GAS7: variants seen among roughly 807,000 people sequenced by gnomAD.
GAS7 encodes growth arrest specific 7, also known as growth arrest-specific protein 7.
GAS7 carries 28 observed loss-of-function variants against 71.1 expected under a neutral mutation model. That is an observed-to-expected ratio of 0.39 (90% CI 0.29 to 0.54). The LOEUF (loss-of-function observed/expected upper bound fraction) is 0.54, where lower values mean the gene tolerates loss of function less well. GAS7 is among the 20% of genes least tolerant of loss of function. The pLI is 0.62. For missense variants in GAS7, 436 were observed against 627.8 expected (o/e 0.69, Z 3.27); for synonymous variants, 258 against 245.8 (o/e 1.05, Z -0.46).
chr17:10,046,966 C>T (rs1407902730), intron 1 of GAS7, among the ~76,000 whole-genome samples: 1 of 151,980 alleles, frequency 6.6e-6, no homozygotes, highest in Non-Finnish European at 1.5e-5. Context: ...ACTCTCTGCC[C>T]ATAATCTGAG....
At chr17:10,005,796 C>T (rs1217718326) in intron 2 of GAS7, among the ~76,000 whole-genome samples, 1 of 152,154 alleles carries the variant, frequency 6.6e-6, no homozygotes, top group African/African-American at 2.4e-5. Context: ...GAGGTCCTGA[C>T]CTTGCCTGCC....
At chr17:9,952,141 A>G (rs1038814063) in intron 5 of GAS7, among the ~76,000 whole-genome samples, 3 of 152,202 alleles carry the variant, frequency 2.0e-5, no homozygotes, top group African/African-American at 7.2e-5. Flanking sequence ...CCTAGAGGAC[A>G]TGGGTTGCTG....
chr17:10,165,291 C>CAAAAA (rs71365731), intron 1 of GAS7, among the ~76,000 whole-genome samples: 3 of 77,630 alleles, frequency 3.9e-5, no homozygotes, highest in African/African-American at 8.8e-5. Context: ...GATTCCTTCT[C>CAAAAA]AAAAAAAAAA....
intron 1 of GAS7, among the ~76,000 whole-genome samples, chr17:10,078,720 G>T (rs548167880): frequency 2.0e-5 from 3 of 152,240 alleles, no homozygotes; most frequent in South Asian, 4.1e-4. Context: ...TGTAAAATTG[G>T]TAGGTAGGGG....
intron 2 of GAS7, among the ~76,000 whole-genome samples, chr17:9,985,151 G>A (rs1470272832): frequency 6.6e-6 from 1 of 152,084 alleles, no homozygotes; most frequent in Non-Finnish European, 1.5e-5. Context: ...CGTTCCTCTT[G>A]TCTTCTCCAT....
At chr17:9,956,947 C>A (rs932969200) in intron 5 of GAS7, among the ~76,000 whole-genome samples, 2 of 152,086 alleles carry the variant, frequency 1.3e-5, no homozygotes, top group African/African-American at 4.8e-5. Flanking sequence ...CATGGGAGAG[C>A]GGTGTTGTGT....
In GAS7 at chr17:10,145,785, T is replaced by C. The variant is rs1002544027; in HGVS notation, c.183+52423A>G. 5.3e-5 allele frequency among the ~76,000 whole-genome samples: 8 copies of C among 152,120 alleles called. No homozygotes were observed. In the East Asian group the frequency reaches 1.5e-3, roughly 29 times the overall value. On this transcript the variant is annotated intron_variant, in intron 1 of 13. Transcript: ENST00000432992. ...GGAAGGGGGAAACAGCAATATATTC[T>C]AAGACCCCCCCAGAAATGAGAGACA... is the stretch of plus-strand genomic sequence containing the variant.
chr17:9,986,396 T>C (rs1349300084), intron 2 of GAS7, among the ~76,000 whole-genome samples: 1 of 152,182 alleles, frequency 6.6e-6, no homozygotes, highest in Non-Finnish European at 1.5e-5. Flanking sequence ...CTTGCACCCA[T>C]TCATCCATCA....
intron 1 of GAS7, among the ~76,000 whole-genome samples, chr17:10,132,531 C>T (rs917818486): frequency 7.9e-5 from 12 of 152,114 alleles, no homozygotes; most frequent in Non-Finnish European, 1.2e-4. Context: ...TTTGGGAGGC[C>T]GAGGTGGGTG....
At chr17:10,140,497 TTGTG>T (rs1412905893) in intron 1 of GAS7, among the ~76,000 whole-genome samples, 1 of 152,044 alleles carries the variant, frequency 6.6e-6, no homozygotes, top group Non-Finnish European at 1.5e-5. Context: ...ATATCTGCAT[TTGTG>T]TGTGTGTACC....
intron 5 of GAS7, among the ~76,000 whole-genome samples, chr17:9,951,963 C>G (rs1427229278): frequency 6.6e-6 from 1 of 151,944 alleles, no homozygotes; most frequent in South Asian, 2.1e-4. Flanking sequence ...GACTGCTAGC[C>G]GGAAGAGGAG....
chr17:9,955,599 T>A (rs1025603949), intron 5 of GAS7, among the ~76,000 whole-genome samples: 1 of 152,212 alleles, frequency 6.6e-6, no homozygotes, highest in African/African-American at 2.4e-5. Flanking sequence ...ACCCAGGCTC[T>A]GAACCCACGC....
At chr17:10,112,250 C>T (rs16959330) in intron 1 of GAS7, among the ~76,000 whole-genome samples, 3,174 of 152,206 alleles carry the variant, frequency 0.021, 123 homozygotes, top group African/African-American at 0.073. Flanking sequence ...AGACACACAG[C>T]GAGGGATGCT....
chr17:10,053,004 T>C (rs8075721), intron 1 of GAS7, among the ~76,000 whole-genome samples: 43,414 of 152,118 alleles, frequency 0.29, 8,345 homozygotes, highest in African/African-American at 0.56. Context: ...ACACATTGGC[T>C]ACATGGAGTT....
chr17:10,077,995 T>C (rs1314584132), intron 1 of GAS7, among the ~76,000 whole-genome samples: 1 of 151,994 alleles, frequency 6.6e-6, no homozygotes, highest in African/African-American at 2.4e-5. Flanking sequence ...ACAGACCTGA[T>C]AGATTATTTT....
intron 1 of GAS7, among the ~76,000 whole-genome samples, chr17:10,135,121 G>A (rs181535417): frequency 3.9e-5 from 6 of 152,244 alleles, no homozygotes; most frequent in South Asian, 2.1e-4. Context: ...GTGAGCCAAC[G>A]CAGCCCGGCC....
chr17:10,051,608 C>T (rs777468201), intron 1 of GAS7, among the ~76,000 whole-genome samples: 2 of 152,148 alleles, frequency 1.3e-5, no homozygotes, highest in African/African-American at 4.8e-5. Flanking sequence ...CGCAAGTCCA[C>T]GAGGGCTACA....
At chr17:10,073,889 A>G (rs1008317775) in intron 1 of GAS7, among the ~76,000 whole-genome samples, 1 of 152,184 alleles carries the variant, frequency 6.6e-6, no homozygotes, top group Non-Finnish European at 1.5e-5. Context: ...GTTTTCCCAT[A>G]GCCATTGAGC....
At chr17:10,007,262 C>T (rs538719467) in intron 2 of GAS7, among the ~76,000 whole-genome samples, 4 of 152,130 alleles carry the variant, frequency 2.6e-5, no homozygotes, top group Admixed American at 6.5e-5. Context: ...ACTCAATTTC[C>T]GAGGTATTTC....
Sources: gnomAD v4.1 joint callset for allele counts (sites outside exome capture counted in the v4.1 genomes callset) on GRCh38, gnomAD v4.1.1 for gene constraint, MANE v1.5 for transcripts, NCBI Gene and HGNC (gene_info 2026-07-23, HGNC 2026-07-21) for gene names.